CALN1: variants seen among roughly 807,000 people sequenced by gnomAD.
The protein encoded by CALN1 is calneuron 1.
Under a neutral mutation model 30.6 loss-of-function variants are expected in CALN1, and 17 were observed. The ratio of observed to expected loss-of-function variants is 0.56; its 90% CI spans 0.38 to 0.83. The LOEUF is 0.83. Ranked by LOEUF, CALN1 falls within the 40% of genes least tolerant of loss-of-function variation. The probability of loss-of-function intolerance (pLI) is 0.00; values close to 1 mark genes in which losing one functional copy is unlikely to be tolerated. For synonymous variants in CALN1, 156 were observed against 131.4 expected (o/e 1.19, Z -1.28); for missense variants, 291 against 354.9 (o/e 0.82, Z 1.45).
At chr7:72,266,843 C>T (rs1056747675) in intron 3 of CALN1, among the ~76,000 whole-genome samples, 2 of 152,158 alleles carry the variant, frequency 1.3e-5, no homozygotes, top group Non-Finnish European at 2.9e-5. Context: ...CCCTGCTCTG[C>T]CCTGCTAACA....
chr7:71,959,486 A>G (rs1270655336), intron 5 of CALN1, among the ~76,000 whole-genome samples: 3 of 152,210 alleles, frequency 2.0e-5, no homozygotes, highest in South Asian at 2.1e-4. Flanking sequence ...CAAAACGACT[A>G]TGTTCCTTTC....
intron 4 of CALN1, among the ~76,000 whole-genome samples, chr7:72,081,728 G>A (rs1238283707): frequency 6.6e-6 from 1 of 151,978 alleles, no homozygotes; most frequent in Non-Finnish European, 1.5e-5. Context: ...AACCTACTGA[G>A]AACAGCCATT....
At chr7:71,808,380 A>C (rs2116166552) in intron 6 of CALN1, among the ~76,000 whole-genome samples, 1 of 151,632 alleles carries the variant, frequency 6.6e-6, no homozygotes, top group Admixed American at 6.6e-5. Context: ...AACATTAATA[A>C]TTATTTTATA....
chr7:72,054,134 A>G lies in CALN1; in HGVS notation c.389-30365T>C, dbSNP rs530836505. The stretch of plus-strand genomic sequence containing the variant: ...GTGCAAGTACCTTTTTTGTATAATG[A>G]CTTCTTTTCCTCTGGGTAGATACCC... On this transcript the variant is annotated intron_variant, in intron 4 of 6. Transcript: ENST00000395275. Among the ~76,000 whole-genome samples the G allele has an allele frequency of 4.2e-4, 64 of 151,926 alleles. 1 individual carries two copies. The highest frequency in any genetic ancestry group is 3.0e-3 in the Admixed American group (46 of 15,246).
chr7:71,871,486 C>T (rs1791924084), intron 5 of CALN1, among the ~76,000 whole-genome samples: 2 of 152,206 alleles, frequency 1.3e-5, no homozygotes, highest in South Asian at 4.1e-4. Flanking sequence ...ACAGCTCACT[C>T]CTGTAATCCC....
intron 3 of CALN1, among the ~76,000 whole-genome samples, chr7:72,189,321 CT>C (rs1016528238): frequency 2.0e-5 from 3 of 152,120 alleles, no homozygotes; most frequent in African/African-American, 7.2e-5. Flanking sequence ...GGAGAGCGGA[CT>C]TTTTTGCTTT....
At chr7:71,932,839 T>C (rs1467010464) in intron 5 of CALN1, among the ~76,000 whole-genome samples, 1 of 143,360 alleles carries the variant, frequency 7.0e-6, no homozygotes, top group African/African-American at 2.6e-5. Flanking sequence ...AAAAGAGAAG[T>C]GTATGTTAGA....
At chr7:71,874,279 T>TAAAAA (rs57423286) in intron 5 of CALN1, among the ~76,000 whole-genome samples, 7 of 97,634 alleles carry the variant, frequency 7.2e-5, no homozygotes, top group African/African-American at 2.8e-4. Flanking sequence ...TCTCAAACAT[T>TAAAAA]AAAAAAAAAA....
At chr7:72,443,562 C>A (rs1438885904) in intron 1 of CALN1, among the ~76,000 whole-genome samples, 9 of 152,042 alleles carry the variant, frequency 5.9e-5, no homozygotes, top group Non-Finnish European at 1.0e-4. Context: ...TGTGTAATTT[C>A]TTCAGCCTAG....
chr7:72,393,157 A>T (rs939645275), intron 2 of CALN1, among the ~76,000 whole-genome samples: 2 of 152,174 alleles, frequency 1.3e-5, no homozygotes, highest in Non-Finnish European at 2.9e-5. Context: ...TTTAAAGTCC[A>T]ATATTTTTGC....
At chr7:71,958,760 T>G (rs1036562057) in intron 5 of CALN1, among the ~76,000 whole-genome samples, 1 of 152,198 alleles carries the variant, frequency 6.6e-6, no homozygotes, top group Admixed American at 6.5e-5. Flanking sequence ...TCTCTTCTGT[T>G]AGATTTCATG....
chr7:72,264,496 ATTT>A (rs34126246), intron 3 of CALN1, among the ~76,000 whole-genome samples: 63 of 147,206 alleles, frequency 4.3e-4, no homozygotes, highest in Non-Finnish European at 7.0e-4. Context: ...AATAAGCAGG[ATTT>A]TTTTTTTTTT....
intron 5 of CALN1, among the ~76,000 whole-genome samples, chr7:71,834,828 G>A (rs144357964): frequency 2.2e-4 from 34 of 152,232 alleles, no homozygotes; most frequent in Middle Eastern, 3.4e-3. Flanking sequence ...ACAGGACTCT[G>A]TTTTAGCTTT....
intron 5 of CALN1, among the ~76,000 whole-genome samples, chr7:71,893,325 C>G (rs1388370731): frequency 6.6e-6 from 1 of 152,152 alleles, no homozygotes; most frequent in African/African-American, 2.4e-5. Context: ...AATTGTCTGG[C>G]CCAAAATGTC....
chr7:72,489,200 C>G, the CALN1 span, among the ~76,000 whole-genome samples: 6 of 152,138 alleles, frequency 3.9e-5, 1 homozygote, highest in African/African-American at 9.7e-5. Context: ...GCCATCTCCT[C>G]TTTGGAAACA....
At chr7:72,092,892 GTC>G (rs1805969571) in intron 4 of CALN1, among the ~76,000 whole-genome samples, 1 of 152,132 alleles carries the variant, frequency 6.6e-6, no homozygotes, top group Non-Finnish European at 1.5e-5. Context: ...ACGGGCTGGA[GTC>G]TCTTTCTGCC....
intron 2 of CALN1, among the ~76,000 whole-genome samples, chr7:72,294,515 T>C (rs933436670): frequency 5.9e-5 from 9 of 151,990 alleles, no homozygotes; most frequent in Non-Finnish European, 1.0e-4. Flanking sequence ...TTTGGGAGGT[T>C]GAGACAGGAG....
intron 2 of CALN1, among the ~76,000 whole-genome samples, chr7:72,340,801 C>A (rs1291075222): frequency 6.6e-6 from 1 of 152,132 alleles, no homozygotes; most frequent in Non-Finnish European, 1.5e-5. Context: ...CGGTTTCTCC[C>A]ATTCCATTTT....
intron 1 of CALN1, among the ~76,000 whole-genome samples, chr7:72,427,412 T>C (rs1807830942): frequency 6.6e-6 from 1 of 152,218 alleles, no homozygotes; most frequent in African/African-American, 2.4e-5. Context: ...AGAAATGAGA[T>C]GAGGGCATTT....
Sources: allele counts gnomAD v4.1 joint callset (sites outside exome capture counted in the v4.1 genomes callset), GRCh38; gene constraint gnomAD v4.1.1; transcripts MANE v1.5; gene names NCBI Gene and HGNC (gene_info 2026-07-23, HGNC 2026-07-21).